Variants in TG observed in about 807,000 individuals in gnomAD.
TG encodes thyroglobulin.
In TG, 270 loss-of-function variants were observed where a neutral mutation model predicts 324.7. The observed-to-expected ratio is 0.83, with a 90% CI of 0.75 to 0.92. The LOEUF (loss-of-function observed/expected upper bound fraction) is 0.92, where lower values mean the gene tolerates loss of function less well. Ranked by LOEUF, TG falls within the 40% of genes least tolerant of loss-of-function variation. The pLI is 0.00. For synonymous variants in TG, 1,401 were observed against 1,327.0 expected, an observed-to-expected ratio of 1.06 and a Z score of -1.21; for missense variants, 3,591 against 3,456.4, an observed-to-expected ratio of 1.04 and a Z score of -0.98.
At chr8:132,962,489 A>G (rs532627083) in intron 28 of TG, among the ~76,000 whole-genome samples, 3 of 152,310 alleles carry the variant, frequency 2.0e-5, no homozygotes, top group East Asian at 1.9e-4. Flanking sequence ...CATTTGCCGC[A>G]CTACAGAGAA....
intron 42 of TG, among the ~76,000 whole-genome samples, 176 bp from the exon 43 acceptor site, chr8:133,096,030 T>C (rs1588083695): frequency 6.6e-6 from 1 of 152,210 alleles, no homozygotes; most frequent in Non-Finnish European, 1.5e-5. Context: ...TCATTCACCC[T>C]CCAGCCCCTG....
Position 132,898,783 on chromosome 8 carries a change from C to G in TG, c.3218-15C>G. 1 of 1,612,696 alleles carries G rather than the reference C, an allele frequency of 6.2e-7. No individual in the cohort carries two copies. Among genetic ancestry groups the G allele is most frequent in the South Asian group, 1.1e-5 (1 of 91,044 alleles). Reference sequence around the variant, plus strand: ...CCCACGACCAGTCCTTTACAAGCACCTCTCTCTCCCACAGGCCCGACAACC... The same window carrying G: ...CCCACGACCAGTCCTTTACAAGCACGTCTCTCTCCCACAGGCCCGACAACC... On this transcript the variant is annotated splice_polypyrimidine_tract_variant and intron_variant, in intron 13 of 47. Coordinates refer to ENST00000220616, the MANE Select transcript of TG (RefSeq NM_003235.5).
chr8:132,909,652 A>G (rs1309979476), intron 18 of TG, among the ~76,000 whole-genome samples: 2 of 152,216 alleles, frequency 1.3e-5, no homozygotes, highest in Non-Finnish European at 2.9e-5. Context: ...CTGGCTTCAA[A>G]CCTTGGCTCC....
rs374389840 is a variant in TG, at chr8:132,898,689, AC to A, written c.3218-107del. 150 of 850,700 alleles carry A rather than the reference AC, an allele frequency of 1.8e-4. No individual in the cohort carries two copies. In the East Asian group the frequency reaches 3.2e-3, roughly 18 times the overall value. 52.7% of individuals were successfully genotyped at this position (850,700 alleles called of 1,614,324 possible). A position where few individuals can be genotyped will look rare whatever the true frequency, so the allele number is the denominator to read the frequency against. On this transcript the variant is annotated intron_variant, in intron 13 of 47. Coordinates refer to ENST00000220616, the MANE Select transcript of TG (RefSeq NM_003235.5). ...GAGATTCTACCTCTCTATGAAGAGC[AC>A]CTGCATTCACCCAGGCTCATGACCC...
intron 35 of TG, chr8:133,002,424 C>A (rs1316102148): frequency 2.0e-6 from 2 of 984,952 alleles, no homozygotes; most frequent in Non-Finnish European, 2.4e-6. Context: ...GCTCAATAAG[C>A]CGCCTCACAT....
intron 34 of TG, among the ~76,000 whole-genome samples, chr8:132,973,790 G>A (rs1246212037): frequency 6.6e-6 from 1 of 152,158 alleles, no homozygotes; most frequent in Non-Finnish European, 1.5e-5. Context: ...GTTCAACTAG[G>A]AGGAGTCAAA....
At chr8:132,890,699 A>G (rs1375362010) in intron 10 of TG, among the ~76,000 whole-genome samples, 1 of 152,240 alleles carries the variant, frequency 6.6e-6, no homozygotes, top group Non-Finnish European at 1.5e-5. Flanking sequence ...GCTTGTCGGA[A>G]GAATTACTAA....
chr8:133,077,613 C>T (rs1458364510), intron 41 of TG, among the ~76,000 whole-genome samples: 2 of 152,186 alleles, frequency 1.3e-5, no homozygotes, highest in Non-Finnish European at 1.5e-5. Flanking sequence ...GACGGCAGGG[C>T]TGAAGCCCGA....
chr8:133,120,349 G>A (rs1465477006), intron 45 of TG, among the ~76,000 whole-genome samples: 1 of 152,228 alleles, frequency 6.6e-6, no homozygotes, highest in Non-Finnish European at 1.5e-5. Flanking sequence ...TATCATTGCT[G>A]TGAGAATCAA....
At chr8:132,920,493 C>T (rs1018437968) in intron 21 of TG, among the ~76,000 whole-genome samples, 15 of 152,168 alleles carry the variant, frequency 9.9e-5, no homozygotes, top group African/African-American at 3.1e-4. Context: ...GAGAGTCTGG[C>T]ATTCTTCCTG....
At chr8:132,929,462 A>G (rs951760818) in intron 23 of TG, among the ~76,000 whole-genome samples, 2 of 152,196 alleles carry the variant, frequency 1.3e-5, no homozygotes, top group East Asian at 1.9e-4. Context: ...CTATGTGTCC[A>G]GGTCAGGATC....
At chr8:132,909,394 G>A (rs562551679) in intron 18 of TG, among the ~76,000 whole-genome samples, 1 of 152,336 alleles carries the variant, frequency 6.6e-6, no homozygotes, top group South Asian at 2.1e-4. Context: ...CAAACATGGG[G>A]AAATTAAATC....
intron 12 of TG, 122 bp from the exon 13 acceptor site, chr8:132,898,047 C>A: frequency 1.9e-6 from 2 of 1,030,634 alleles, no homozygotes; most frequent in Non-Finnish European, 3.0e-6. Context: ...GGGGTCTAGA[C>A]TGGGGACAGA....
At chr8:133,088,540 G>A (rs1005070410) in intron 41 of TG, among the ~76,000 whole-genome samples, 5 of 152,158 alleles carry the variant, frequency 3.3e-5, no homozygotes, top group African/African-American at 9.7e-5. Context: ...ACACTTAGAG[G>A]GTTGTTTTGG....
intron 41 of TG, among the ~76,000 whole-genome samples, chr8:133,051,198 T>C (rs1336722940): frequency 6.6e-6 from 1 of 152,192 alleles, no homozygotes; most frequent in African/African-American, 2.4e-5. Flanking sequence ...AGATGAGTCA[T>C]GGGGTCTGGC....
At chr8:132,912,516 C>G (rs138506664) in intron 19 of TG, among the ~76,000 whole-genome samples, 114 of 152,110 alleles carry the variant, frequency 7.5e-4, no homozygotes, top group Non-Finnish European at 1.3e-3. Flanking sequence ...TCATTTGACA[C>G]CTGGAGACCT....
intron 27 of TG, among the ~76,000 whole-genome samples, chr8:132,951,820 G>A (rs2130144674): frequency 6.6e-6 from 1 of 152,310 alleles, no homozygotes; most frequent in Non-Finnish European, 1.5e-5. Context: ...AACCCCTGGA[G>A]GTGAGAGGGA....
chr8:132,920,656 A>G (rs1034991246), intron 21 of TG, among the ~76,000 whole-genome samples: 21 of 152,220 alleles, frequency 1.4e-4, no homozygotes, highest in African/African-American at 5.1e-4. Flanking sequence ...AGATTAATGT[A>G]GTGTGCTGAG....
chr8:133,051,719 C>G (rs1242055883), intron 41 of TG, among the ~76,000 whole-genome samples: 1 of 152,152 alleles, frequency 6.6e-6, no homozygotes, highest in African/African-American at 2.4e-5. Context: ...CTGCTTCTAT[C>G]CTTAGTGATT....
Sources: gnomAD v4.1 joint callset for allele counts (sites outside exome capture counted in the v4.1 genomes callset) on GRCh38, gnomAD v4.1.1 for gene constraint, MANE v1.5 for transcripts, NCBI Gene and HGNC (gene_info 2026-07-23, HGNC 2026-07-21) for gene names.